ELAVL2: variants seen among roughly 807,000 people sequenced by gnomAD.
ELAVL2 encodes the protein ELAV like RNA binding protein 2.
In ELAVL2, 4 loss-of-function variants were observed where a neutral mutation model predicts 34.6. The ratio of observed to expected loss-of-function variants is 0.12; its 90% CI spans 0.06 to 0.26. The LOEUF (loss-of-function observed/expected upper bound fraction) is 0.26, where lower values mean the gene tolerates loss of function less well. Ranked by LOEUF, ELAVL2 falls within the 10% of genes least tolerant of loss-of-function variation. ELAVL2 has a pLI of 1.00. For synonymous variants in ELAVL2, 193 were observed against 154.8 expected (o/e 1.25, Z -1.83); for missense variants, 432 against 442.8 (o/e 0.98, Z 0.22).
intron 1 of ELAVL2, among the ~76,000 whole-genome samples, chr9:23,764,235 G>T (rs768154516): frequency 6.6e-6 from 1 of 152,108 alleles, no homozygotes; most frequent in Non-Finnish European, 1.5e-5. Context: ...CAAGAGACCC[G>T]AATGGGAGAT....
rs1211801035 is a variant in ELAVL2 at position 23,701,492 on chromosome 9, T to A, written c.600A>T (p.Val200=). The change falls in exon 5 of 7, where the codon GTA becomes GTT. Residue 200 remains valine, a synonymous_variant. Coordinates refer to ENST00000397312, the MANE Select transcript of ELAVL2 (RefSeq NM_004432.5). ...KPPGATEPIT[V]KFANNPSQKT... ...TTTGGCTTGGGTTATTAGCAAACTT[T>A]ACAGTGATTGGCTCCGTGGCACCGG... is the stretch of plus-strand genomic sequence containing the variant. The A allele has an allele frequency of 1.2e-6, 2 of 1,614,106 alleles. No homozygotes were observed. The highest frequency in any genetic ancestry group is 3.3e-5 in the Admixed American group (2 of 60,016).
the ELAVL2 span, among the ~76,000 whole-genome samples, chr9:23,835,815 A>T: frequency 1.3e-5 from 2 of 152,158 alleles, no homozygotes; most frequent in African/African-American, 4.8e-5. Context: ...TGAACCTTAA[A>T]CTTTTAGAGA....
intron 1 of ELAVL2, among the ~76,000 whole-genome samples, chr9:23,762,990 AG>A (rs2055389566): frequency 6.6e-6 from 1 of 152,088 alleles, no homozygotes; most frequent in African/African-American, 2.4e-5. Flanking sequence ...ATTACCAACA[AG>A]GTGACTGATC....
intron 2 of ELAVL2, among the ~76,000 whole-genome samples, chr9:23,742,657 A>C (rs1341807236): frequency 6.6e-6 from 1 of 152,194 alleles, no homozygotes; most frequent in Non-Finnish European, 1.5e-5. Flanking sequence ...TTTTATATCA[A>C]AAAGAAAGAG....
intron 1 of ELAVL2, among the ~76,000 whole-genome samples, chr9:23,813,560 T>A (rs777291599): frequency 2.6e-5 from 4 of 152,106 alleles, no homozygotes; most frequent in African/African-American, 9.7e-5. Context: ...AGTAGCAATG[T>A]TGACCCCAAA....
chr9:23,799,319 C>T (rs1392787506), intron 1 of ELAVL2, among the ~76,000 whole-genome samples: 1 of 152,186 alleles, frequency 6.6e-6, no homozygotes, highest in Non-Finnish European at 1.5e-5. Flanking sequence ...AGGAGAAAAG[C>T]AATCCTATCT....
chr9:23,803,861 T>G (rs929577617), intron 1 of ELAVL2, among the ~76,000 whole-genome samples: 1 of 152,114 alleles, frequency 6.6e-6, no homozygotes, highest in Non-Finnish European at 1.5e-5. Context: ...CAAACTCCCA[T>G]AAACTCACGT....
In ELAVL2 at chr9:23,692,687, T is replaced by C; in HGVS notation, c.950A>G (p.Lys317Arg). 1 of 1,614,198 alleles carries C rather than the reference T, an allele frequency of 6.2e-7. No individual in the cohort carries two copies. Among genetic ancestry groups the C allele is most frequent in the Non-Finnish European group, 8.5e-7 (1 of 1,180,008 alleles). Residue 317 changes from lysine to arginine, a missense_variant, in exon 7 of 7, where the codon AAA (lysine) becomes AGA (arginine). This residue lies in a region of ELAVL2 where 295 missense variants were observed against 306.1 expected (regional missense o/e 0.96). Transcript: ENST00000397312. Reference sequence around the variant, plus strand: ...TGTCATAGTCACAAATCCAAAACCTTTGCATTTATTGGTGTTAAAGTCACG... The same window carrying C: ...TGTCATAGTCACAAATCCAAAACCTCTGCATTTATTGGTGTTAAAGTCACG... The part of the protein sequence containing the change: ...VIRDFNTNKC[K>R]GFGFVTMTNY...
chr9:23,700,721 A>T (rs973487849), intron 5 of ELAVL2, among the ~76,000 whole-genome samples: 2 of 152,220 alleles, frequency 1.3e-5, no homozygotes, highest in Non-Finnish European at 2.9e-5. Context: ...AAGTCTGCCA[A>T]CCTGTTTGTA....
At chr9:23,787,891 G>A (rs2137084211) in intron 1 of ELAVL2, among the ~76,000 whole-genome samples, 1 of 152,280 alleles carries the variant, frequency 6.6e-6, no homozygotes, top group African/African-American at 2.4e-5. Context: ...AATTCATCCA[G>A]CTTTTAGAGG....
intron 1 of ELAVL2, among the ~76,000 whole-genome samples, chr9:23,767,903 C>A (rs930814971): frequency 6.6e-6 from 1 of 152,112 alleles, no homozygotes; most frequent in Non-Finnish European, 1.5e-5. Flanking sequence ...CAGACTTCTG[C>A]GGGTTAAAGT....
intron 1 of ELAVL2, among the ~76,000 whole-genome samples, chr9:23,811,576 A>C (rs970867605): frequency 6.6e-6 from 1 of 152,232 alleles, no homozygotes; most frequent in African/African-American, 2.4e-5. Flanking sequence ...CTATATTCCC[A>C]AAAGGGAGGA....
intron 6 of ELAVL2, 47 bp from the exon 7 acceptor site, chr9:23,692,931 A>G (rs2033682331): frequency 6.4e-7 from 1 of 1,565,228 alleles, no homozygotes; most frequent in South Asian, 1.2e-5. Flanking sequence ...AAAAATAAAA[A>G]CAGAGGTTGG....
At chr9:23,765,713 T>A (rs754767708) in intron 1 of ELAVL2, among the ~76,000 whole-genome samples, 3 of 152,184 alleles carry the variant, frequency 2.0e-5, no homozygotes, top group African/African-American at 7.2e-5. Context: ...TGCTCACATA[T>A]ACTAAGAGGC....
Position 23,731,060 on chromosome 9 carries a change from T to C in ELAVL2, c.295A>G (p.Thr99Ala). 6.2e-7 allele frequency: 1 copy of C among 1,613,204 alleles called. No individual in the cohort carries two copies. The highest frequency in any genetic ancestry group is 8.5e-7 in the Non-Finnish European group (1 of 1,179,460). ...GTTTGAAGTCTCAATCCATTCAGGG[T>C]GTTGATAGCTTTCTCTGCATCCTTG... ...DPKDAEKAIN[T>A]LNGLRLQTKT... Residue 99 changes from threonine (T) to alanine (A), a missense_variant, in exon 3 of 7, where the codon ACC becomes GCC. This residue lies in a region of ELAVL2 where 132 missense variants were observed against 118.3 expected (regional missense o/e 1.12). Transcript: ENST00000397312.
At chr9:23,703,221 C>T (rs753958423) in intron 4 of ELAVL2, among the ~76,000 whole-genome samples, 3 of 152,174 alleles carry the variant, frequency 2.0e-5, no homozygotes, top group African/African-American at 4.8e-5. Context: ...AAAGATGAGA[C>T]GCACTTTGTG....
chr9:23,703,740 T>TATA (rs1341862333), intron 4 of ELAVL2, among the ~76,000 whole-genome samples: 3 of 152,112 alleles, frequency 2.0e-5, no homozygotes, highest in East Asian at 3.9e-4. Context: ...GTATTATTAT[T>TATA]ATACGGGTGG....
chr9:23,705,992 T>A (rs954517022), intron 3 of ELAVL2, among the ~76,000 whole-genome samples: 1 of 152,210 alleles, frequency 6.6e-6, no homozygotes, highest in Non-Finnish European at 1.5e-5. Context: ...TTCACCCTTA[T>A]CAGTAAGTAT....
intron 3 of ELAVL2, among the ~76,000 whole-genome samples, chr9:23,728,975 T>C (rs2045914743): frequency 6.6e-6 from 1 of 152,098 alleles, no homozygotes; most frequent in South Asian, 2.1e-4. Context: ...TGTCACACTA[T>C]AAAAGCCACA....
Sources: allele counts gnomAD v4.1 joint callset (sites outside exome capture counted in the v4.1 genomes callset), GRCh38; gene constraint gnomAD v4.1.1; regional missense constraint gnomAD v4.1.1; transcripts MANE v1.5; gene names NCBI Gene and HGNC (gene_info 2026-07-23, HGNC 2026-07-21).